SMYD3: variants seen among roughly 807,000 people sequenced by gnomAD.
The protein encoded by SMYD3 is histone-lysine N-methyltransferase SMYD3.
In SMYD3, 36 loss-of-function variants were observed where a neutral mutation model predicts 57.7. The observed-to-expected ratio is 0.62, with a 90% CI of 0.48 to 0.82. The LOEUF (loss-of-function observed/expected upper bound fraction) is 0.82, where lower values mean the gene tolerates loss of function less well. Ranked by LOEUF, SMYD3 falls within the 40% of genes least tolerant of loss-of-function variation. The pLI is 0.00. For missense variants in SMYD3, 515 were observed against 538.8 expected, an observed-to-expected ratio of 0.96 and a Z score of 0.44; for synonymous variants, 211 against 195.0, an observed-to-expected ratio of 1.08 and a Z score of -0.68.
chr1:245,936,995 G>GTAA (rs2057012903), intron 5 of SMYD3, among the ~76,000 whole-genome samples: 1 of 152,146 alleles, frequency 6.6e-6, no homozygotes, highest in East Asian at 1.9e-4. Context: ...AATTCACTTT[G>GTAA]TAATACAAGT....
chr1:245,853,611 G>C (rs1356115388), intron 10 of SMYD3, among the ~76,000 whole-genome samples: 4 of 152,152 alleles, frequency 2.6e-5, no homozygotes, highest in African/African-American at 2.4e-5. Flanking sequence ...AAAAACCCAT[G>C]AAAGAACAAC....
chr1:246,121,105 T>A (rs1299635132), intron 5 of SMYD3, among the ~76,000 whole-genome samples: 1 of 152,218 alleles, frequency 6.6e-6, no homozygotes, highest in Admixed American at 6.5e-5. Context: ...CAGAACATCA[T>A]GTTGTGTCTG....
chr1:246,066,708 C>T (rs967137569), intron 5 of SMYD3, among the ~76,000 whole-genome samples: 5 of 152,202 alleles, frequency 3.3e-5, no homozygotes, highest in African/African-American at 1.2e-4. Flanking sequence ...GTAATCTGCT[C>T]CTTGTGTGTA....
At chr1:246,219,729 G>A (rs1010278123) in intron 5 of SMYD3, among the ~76,000 whole-genome samples, 1 of 152,188 alleles carries the variant, frequency 6.6e-6, no homozygotes, top group Non-Finnish European at 1.5e-5. Flanking sequence ...CGTGGTCACA[G>A]GCACTCCCAG....
intron 5 of SMYD3, among the ~76,000 whole-genome samples, chr1:246,215,878 G>A (rs1044276260): frequency 5.3e-5 from 8 of 152,020 alleles, no homozygotes; most frequent in Non-Finnish European, 8.8e-5. Context: ...CCACTTGAAA[G>A]GTATAATTCC....
intron 8 of SMYD3, among the ~76,000 whole-genome samples, chr1:245,865,704 A>C (rs944914266): frequency 2.6e-5 from 4 of 152,218 alleles, no homozygotes; most frequent in Non-Finnish European, 4.4e-5. Context: ...ATTTAAATTA[A>C]TTCAAACAAT....
chr1:245,829,612 C>T (rs781462821), intron 10 of SMYD3, among the ~76,000 whole-genome samples: 35 of 152,066 alleles, frequency 2.3e-4, no homozygotes, highest in Admixed American at 5.9e-4. Flanking sequence ...TGCATACTTA[C>T]CATATGATCT....
chr1:246,004,923 C>T (rs908290826), intron 5 of SMYD3, among the ~76,000 whole-genome samples: 2 of 152,210 alleles, frequency 1.3e-5, no homozygotes, highest in African/African-American at 4.8e-5. Flanking sequence ...TGACTCGCTG[C>T]AGCCTCAACC....
intron 10 of SMYD3, among the ~76,000 whole-genome samples, chr1:245,858,003 GT>G (rs1210622232): frequency 4.6e-5 from 7 of 152,158 alleles, no homozygotes; most frequent in African/African-American, 1.7e-4. Context: ...GGCTCACAAG[GT>G]GATTATGAAG....
intron 5 of SMYD3, among the ~76,000 whole-genome samples, chr1:245,993,577 AAAAGATAGATAGATAGATAGAT>A (rs74163099): frequency 0.34 from 43,504 of 128,600 alleles, 9,534 homozygotes; most frequent in Middle Eastern, 0.49. Context: ...TCAAAAAAAA[AAAAGATAGATAGATAGATAGAT>A]AGATAGATAG....
intron 8 of SMYD3, among the ~76,000 whole-genome samples, chr1:245,865,146 TTGATATTTAC>T (rs1437385036): frequency 1.5e-4 from 23 of 152,310 alleles, no homozygotes; most frequent in African/African-American, 4.3e-4. Flanking sequence ...TTTACTGATA[TTGATATTTAC>T]TGATATTTAC....
At chr1:245,997,291 T>G (rs562964646) in intron 5 of SMYD3, among the ~76,000 whole-genome samples, 54 of 152,344 alleles carry the variant, frequency 3.5e-4, no homozygotes, top group African/African-American at 1.2e-3. Context: ...GGATGTCAAC[T>G]GGGGAGTGAT....
intron 1 of SMYD3, among the ~76,000 whole-genome samples, chr1:246,440,446 T>C (rs1015492926): frequency 1.2e-4 from 19 of 152,302 alleles, no homozygotes; most frequent in African/African-American, 4.6e-4. Flanking sequence ...ACTACACTGA[T>C]ATGCAAACTA....
intron 5 of SMYD3, among the ~76,000 whole-genome samples, chr1:246,089,091 C>A (rs2147878128): frequency 6.6e-6 from 1 of 152,254 alleles, no homozygotes; most frequent in East Asian, 1.9e-4. Context: ...GATCCTCCTA[C>A]CTCAACCTCC....
intron 5 of SMYD3, among the ~76,000 whole-genome samples, chr1:246,049,595 G>A (rs1029902517): frequency 8.6e-5 from 13 of 151,876 alleles, no homozygotes; most frequent in South Asian, 6.2e-4. Flanking sequence ...GTGAGCCACC[G>A]CGTCCGGCCC....
At chr1:245,823,840 C>G (rs1402229007) in intron 10 of SMYD3, among the ~76,000 whole-genome samples, 1 of 152,164 alleles carries the variant, frequency 6.6e-6, no homozygotes, top group East Asian at 1.9e-4. Flanking sequence ...CTGCACTATA[C>G]CAAAAACTCT....
intron 10 of SMYD3, among the ~76,000 whole-genome samples, chr1:245,798,099 T>A (rs532636096): frequency 0.023 from 2,206 of 97,438 alleles, 23 homozygotes; most frequent in African/African-American, 0.061. Context: ...ATTTTTTTTT[T>A]TAAAATATGC....
At chr1:246,310,992 A>T (rs1204429383) in intron 5 of SMYD3, among the ~76,000 whole-genome samples, 2 of 152,142 alleles carry the variant, frequency 1.3e-5, no homozygotes, top group Non-Finnish European at 2.9e-5. Flanking sequence ...TAAAGAGCCT[A>T]CTCAACTAAT....
chr1:245,948,921 C>T (rs1240425824), intron 5 of SMYD3, among the ~76,000 whole-genome samples: 1 of 152,202 alleles, frequency 6.6e-6, no homozygotes, highest in Non-Finnish European at 1.5e-5. Context: ...CTGGGGATTG[C>T]CCTACCCCGT....
Sources: allele counts gnomAD v4.1 joint callset (sites outside exome capture counted in the v4.1 genomes callset), GRCh38; gene constraint gnomAD v4.1.1; transcripts MANE v1.5; gene names NCBI Gene and HGNC (gene_info 2026-07-23, HGNC 2026-07-21).